Variants in OTOGL observed in about 807,000 individuals in gnomAD.
OTOGL encodes otogelin like, also known as otogelin-like protein.
OTOGL carries 285 observed loss-of-function variants against 318.5 expected under a neutral mutation model. The observed-to-expected ratio is 0.89, with a 90% CI of 0.81 to 0.99. OTOGL has a LOEUF of 0.99. OTOGL is among the 50% of genes least tolerant of loss of function. The pLI, the probability that OTOGL is intolerant of heterozygous loss-of-function variation, is 0.00. For missense variants in OTOGL, 2,899 were observed against 2,845.6 expected (o/e 1.02, Z -0.43); for synonymous variants, 987 against 936.5 (o/e 1.05, Z -0.99).
chr12:80,192,905 AC>A lies in OTOGL; in HGVS notation c.-19-16507del, dbSNP rs796769168. Among the ~76,000 whole-genome samples the A allele has an allele frequency of 1.2e-3, 181 of 152,302 alleles. 1 individual carries two copies. The highest frequency in any genetic ancestry group is 2.7e-3 in the African/African-American group (114 of 41,566). On this transcript the variant is annotated intron_variant, in intron 1 of 58. Coordinates refer to ENST00000547103, the MANE Select transcript of OTOGL (RefSeq NM_001378609.3). The stretch of plus-strand genomic sequence containing the variant: ...AATATTTCATGAAAAAATAAAGGTT[AC>A]TACTCAGATAATCTTTGGCTGAAAC...
chr12:80,320,716 T>G lies in OTOGL; in HGVS notation c.4081+16T>G. ...AGCATAGAAGGTATGTTTCCTGAGA[T>G]CTCCAAAAAGAGAACAAATAGGTAA... is the stretch of plus-strand genomic sequence containing the variant. On this transcript the variant is annotated intron_variant, in intron 34 of 58. Transcript: ENST00000547103. 6.4e-7 allele frequency: 1 copy of G among 1,563,158 alleles called. No homozygotes were observed. Among genetic ancestry groups the G allele is most frequent in the Middle Eastern group, 1.7e-4 (1 of 5,722 alleles).
chr12:80,213,814 A>G (rs575918445), intron 4 of OTOGL, among the ~76,000 whole-genome samples: 1 of 152,340 alleles, frequency 6.6e-6, no homozygotes, highest in African/African-American at 2.4e-5. Context: ...CAATGAGGTC[A>G]TAATCTTGCA....
intron 26 of OTOGL, among the ~76,000 whole-genome samples, chr12:80,294,562 C>G (rs1392480598): frequency 6.6e-6 from 1 of 152,006 alleles, no homozygotes; most frequent in East Asian, 1.9e-4. Context: ...TATTATTTCT[C>G]AAAAGGATTG....
chr12:80,272,758 G>A (rs1470336007), intron 24 of OTOGL, among the ~76,000 whole-genome samples: 2 of 152,068 alleles, frequency 1.3e-5, no homozygotes, highest in Admixed American at 6.6e-5. Context: ...TCTGGAATAG[G>A]TTGAAGAGCC....
Position 80,268,381 on chromosome 12 carries a change from G to A in OTOGL, c.2465+1054G>A, listed in dbSNP as rs540187984. Among the ~76,000 whole-genome samples, 3 of 152,236 alleles carry A rather than the reference G, an allele frequency of 2.0e-5. No homozygotes were observed. The East Asian group carries it at 5.8e-4, about 29-fold the overall frequency. On this transcript the variant is annotated intron_variant, in intron 22 of 58. Coordinates refer to ENST00000547103, the MANE Select transcript of OTOGL (RefSeq NM_001378609.3). ...TACAGGTGAGGAAAATGGGATACAG[G>A]TGGCTAAGGAACCTGATACTAAAGC...
In OTOGL at chr12:80,254,551, C is replaced by T. The variant is rs751500652; in HGVS notation, c.1422C>T (p.Cys474=). 1 of 1,608,462 alleles carries T rather than the reference C, an allele frequency of 6.2e-7. No homozygotes were observed. The highest frequency in any genetic ancestry group is 8.5e-7 in the Non-Finnish European group (1 of 1,176,168). ...TGTGTGTTGGTGGAGTTTGGAACTG[C>T]ACTGAGCAAGACTGTCCAGGTAATT... is the stretch of plus-strand genomic sequence containing the variant. The part of the protein sequence containing the change: ...ECVCVGGVWN[C]TEQDCPVQCS... The change falls in exon 15 of 59, where the codon TGC becomes TGT. Residue 474 remains cysteine, a synonymous_variant. Transcript: ENST00000547103.
chr12:80,317,398 T>C (rs1887040307), intron 32 of OTOGL, among the ~76,000 whole-genome samples: 1 of 152,146 alleles, frequency 6.6e-6, no homozygotes, highest in Admixed American at 6.5e-5. Flanking sequence ...GCTTTAGGTT[T>C]TTATACAAAC....
intron 8 of OTOGL, among the ~76,000 whole-genome samples, chr12:80,232,659 A>T (rs910047854): frequency 2.0e-5 from 3 of 152,180 alleles, no homozygotes; most frequent in Non-Finnish European, 2.9e-5. Context: ...ACAAAATCTA[A>T]ATCAGTATAA....
intron 4 of OTOGL, among the ~76,000 whole-genome samples, chr12:80,216,347 T>C (rs1476357852): frequency 6.6e-6 from 1 of 152,220 alleles, no homozygotes; most frequent in East Asian, 1.9e-4. Flanking sequence ...ATCTGCTACT[T>C]AATTTGACAA....
intron 44 of OTOGL, among the ~76,000 whole-genome samples, chr12:80,351,495 T>C (rs1443092920): frequency 6.6e-6 from 1 of 152,136 alleles, no homozygotes; most frequent in Non-Finnish European, 1.5e-5. Context: ...TTTGTATTTT[T>C]AGTAGAGACG....
At chr12:80,263,181 T>C (rs567137092) in intron 19 of OTOGL, among the ~76,000 whole-genome samples, 1 of 152,292 alleles carries the variant, frequency 6.6e-6, no homozygotes, top group East Asian at 1.9e-4. Context: ...TAGAGTTTTT[T>C]AGTTTCATGA....
chr12:80,343,039 G>A (rs1205280014), intron 44 of OTOGL, among the ~76,000 whole-genome samples: 2 of 151,994 alleles, frequency 1.3e-5, no homozygotes, highest in Non-Finnish European at 2.9e-5. Context: ...CGGCGACCAC[G>A]CCCAGCTGAT....
intron 22 of OTOGL, 80 bp downstream of exon 22, chr12:80,267,407 ATTTT>A: frequency 1.6e-6 from 1 of 626,902 alleles, no homozygotes; most frequent in Non-Finnish European, 2.2e-6. Context: ...ATATATATAT[ATTTT>A]TTTATTATAC....
intron 49 of OTOGL, 129 bp from the exon 50 acceptor site, chr12:80,358,119 T>C: frequency 1.5e-6 from 1 of 671,790 alleles, no homozygotes; most frequent in Non-Finnish European, 2.6e-6. Context: ...AATAAGGAAA[T>C]ATACCTCATG....
In OTOGL at chr12:80,222,387, G is replaced by A. The variant is rs374985700; in HGVS notation, c.489+142G>A. ...TTGAAGAGGGTCTGGGTTCAGTTAC[G>A]AACCATATTACTCACACTTCCTTCC... On this transcript the variant is annotated intron_variant, in intron 7 of 58. Transcript: ENST00000547103. 78 of 883,430 alleles carry A rather than the reference G, an allele frequency of 8.8e-5. 1 individual carries two copies. Among genetic ancestry groups the A allele is most frequent in the East Asian group, 3.8e-4 (14 of 36,434 alleles). 54.7% of individuals were successfully genotyped at this position (883,430 alleles called of 1,614,324 possible).
rs1225702860 is a variant in OTOGL, at chr12:80,146,894, T to C, written c.-20+47289T>C. 3.4e-3 allele frequency among the ~76,000 whole-genome samples: 495 copies of C among 144,302 alleles called. 2 individuals are homozygous for C. Among genetic ancestry groups the C allele is most frequent in the Non-Finnish European group, 4.6e-3 (301 of 65,534 alleles). The allele number at this position is 144,302 out of a possible 152,430, so 94.7% of individuals were successfully genotyped here. A position where few individuals can be genotyped will look rare whatever the true frequency, so the allele number is the denominator to read the frequency against. ...ATGGTAGTTTGTATTTCTGTGGGAT[T>C]GGTGGTGATATCCCTTTTATCATTT... is the stretch of plus-strand genomic sequence containing the variant. On this transcript the variant is annotated intron_variant, in intron 1 of 58. Transcript: ENST00000547103.
intron 45 of OTOGL, among the ~76,000 whole-genome samples, chr12:80,352,993 T>C (rs1889647233): frequency 6.6e-6 from 1 of 152,204 alleles, no homozygotes; most frequent in Non-Finnish European, 1.5e-5. Context: ...TAGACTGTTA[T>C]CATAATAGTT....
At chr12:80,335,590 A>G (rs561674809) in intron 38 of OTOGL, among the ~76,000 whole-genome samples, 1 of 152,202 alleles carries the variant, frequency 6.6e-6, no homozygotes, top group Non-Finnish European at 1.5e-5. Flanking sequence ...TTTTAAGTTG[A>G]CATTATGACA....
At chr12:80,205,179 C>T (rs542452714) in intron 1 of OTOGL, among the ~76,000 whole-genome samples, 3 of 152,192 alleles carry the variant, frequency 2.0e-5, no homozygotes, top group South Asian at 2.1e-4. Flanking sequence ...TAAATAGTGC[C>T]TTACATTAAT....
Sources: gnomAD v4.1 joint callset for allele counts (sites outside exome capture counted in the v4.1 genomes callset) on GRCh38, gnomAD v4.1.1 for gene constraint, MANE v1.5 for transcripts, NCBI Gene and HGNC (gene_info 2026-07-23, HGNC 2026-07-21) for gene names.